TP53BP1: variants seen among roughly 807,000 people sequenced by gnomAD.
TP53BP1 encodes the protein TP53-binding protein 1.
In TP53BP1, 61 loss-of-function variants were observed where a neutral mutation model predicts 200.8. The ratio of observed to expected loss-of-function variants is 0.30; its 90% CI spans 0.25 to 0.38. The LOEUF (loss-of-function observed/expected upper bound fraction) is 0.38. Among genes scored for constraint, TP53BP1 ranks in the 10% least tolerant of loss-of-function variants. TP53BP1 has a pLI of 1.00. For synonymous variants in TP53BP1, 822 were observed against 844.3 expected (o/e 0.97, Z 0.46); for missense variants, 2,144 against 2,371.9 (o/e 0.90, Z 2.00).
At chr15:43,442,815 CTTTTTTTTTTTT>C (rs71111818) in intron 14 of TP53BP1, among the ~76,000 whole-genome samples, 37 of 61,042 alleles carry the variant, frequency 6.1e-4, no homozygotes, top group African/African-American at 2.6e-3. Context: ...CAGTAATATT[CTTTTTTTTTTTT>C]TTTTTTTTTT....
Position 43,480,004 on chromosome 15 carries a change from T to A in TP53BP1, c.513A>T (p.Ser171=). The change falls in exon 6 of 28, where the codon TCA becomes TCT. Residue 171 remains serine (S), a synonymous_variant. Transcript: ENST00000382044. ...GTTCCAGAACCCCAAAACCCAACTGTGATGAGGCAGTATCTAGGAACAAAA... is the reference window on the plus strand; with the variant it reads ...GTTCCAGAACCCCAAAACCCAACTGAGATGAGGCAGTATCTAGGAACAAAA... The part of the protein sequence containing the change: ...HSLGAEDTAS[S]QLGFGVLELS... 5 of 1,614,028 alleles carry A rather than the reference T, an allele frequency of 3.1e-6. No homozygotes were observed. The highest frequency in any genetic ancestry group is 4.2e-6 in the Non-Finnish European group (5 of 1,179,990).
At chr15:43,426,330 C>T (rs934482705) in intron 18 of TP53BP1, among the ~76,000 whole-genome samples, 10 of 148,982 alleles carry the variant, frequency 6.7e-5, no homozygotes, top group African/African-American at 2.5e-4. Context: ...ATCCCAGCTA[C>T]TCAGGAGGCT....
At chr15:43,499,353 C>T (rs142873131) in intron 1 of TP53BP1, among the ~76,000 whole-genome samples, 3 of 152,114 alleles carry the variant, frequency 2.0e-5, no homozygotes, top group Non-Finnish European at 4.4e-5. Context: ...GTACACCAAA[C>T]CCCGTGATAA....
chr15:43,509,188 C>CG (rs11433386), intron 1 of TP53BP1, among the ~76,000 whole-genome samples: 308 of 1,552 alleles, frequency 0.2, 51 homozygotes, highest in East Asian at 0.5. Flanking sequence ...GATCCACAAA[C>CG]GGGGGGGGGG....
chr15:43,407,872 C>A, intron 27 of TP53BP1, 71 bp downstream of exon 27: 1 of 1,462,278 alleles, frequency 6.8e-7, no homozygotes, highest in Non-Finnish European at 9.2e-7. Flanking sequence ...AGCCTTGGAC[C>A]ACAAGGCCTA....
At chr15:43,457,571 C>A (rs1410560667) in intron 11 of TP53BP1, among the ~76,000 whole-genome samples, 1 of 141,012 alleles carries the variant, frequency 7.1e-6, no homozygotes, top group African/African-American at 2.7e-5. Context: ...ACTTGGGAGG[C>A]TGAGGCAGGA....
chr15:43,510,397 T>G (rs2079266473), exon 1 of TP53BP1: 1 of 152,772 alleles, frequency 6.5e-6, no homozygotes, highest in Admixed American at 6.5e-5. Flanking sequence ...AAGGTCATTC[T>G]GTCCCCTCCA....
chr15:43,439,197 G>T (rs1267099068), intron 15 of TP53BP1, among the ~76,000 whole-genome samples: 1 of 152,066 alleles, frequency 6.6e-6, no homozygotes, highest in Non-Finnish European at 1.5e-5. Context: ...GAGAAATAAG[G>T]TGACAGCAAG....
chr15:43,491,865 T>C (rs1029659306), intron 3 of TP53BP1, 112 bp from the exon 4 acceptor site: 11 of 1,097,410 alleles, frequency 1.0e-5, no homozygotes, highest in African/African-American at 1.5e-5. Flanking sequence ...ACATCAACTT[T>C]TGAGTGACTA....
At chr15:43,482,377 T>C (rs953501156) in intron 4 of TP53BP1, among the ~76,000 whole-genome samples, 1 of 152,230 alleles carries the variant, frequency 6.6e-6, no homozygotes, top group African/African-American at 2.4e-5. Flanking sequence ...GGCTTATCCC[T>C]GTAATCCCAG....
chr15:43,471,814 T>C (rs774004530), intron 10 of TP53BP1, among the ~76,000 whole-genome samples: 18 of 152,244 alleles, frequency 1.2e-4, no homozygotes, highest in Non-Finnish European at 2.2e-4. Flanking sequence ...TTTTAAGAAT[T>C]AACCAAACTT....
chr15:43,407,850 C>T, intron 27 of TP53BP1, 93 bp downstream of exon 27: 1 of 1,292,930 alleles, frequency 7.7e-7, no homozygotes, highest in South Asian at 1.4e-5. Flanking sequence ...TACGGTCAAC[C>T]TATTAGGCCT....
At position 43,407,127 on chromosome 15, in the gene TP53BP1, T is replaced by C. The variant is rs2044926545; in HGVS notation, c.*256A>G. The C allele has an allele frequency of 7.2e-6, 3 of 416,616 alleles. No homozygotes were observed. The South Asian group carries it at 1.0e-4, about 14-fold the overall frequency. The allele number at this position is 416,616 out of a possible 1,614,324, so 25.8% of individuals were successfully genotyped here. A position where few individuals can be genotyped will look rare whatever the true frequency, so the allele number is the denominator to read the frequency against. On this transcript the variant is annotated 3_prime_UTR_variant, in exon 28 of 28. Coordinates refer to ENST00000382044, the MANE Select transcript of TP53BP1 (RefSeq NM_001141980.3). ...TGGCCAGCTGTCCTCCGTAAGTGAATAAGCCTGTTGAAAGACTCAGAGAAA... is the reference window on the plus strand; with the variant it reads ...TGGCCAGCTGTCCTCCGTAAGTGAACAAGCCTGTTGAAAGACTCAGAGAAA...
intron 15 of TP53BP1, among the ~76,000 whole-genome samples, chr15:43,440,440 G>A (rs1299269420): frequency 2.6e-5 from 4 of 151,780 alleles, no homozygotes; most frequent in Non-Finnish European, 5.9e-5. Flanking sequence ...GTGTGGACCC[G>A]GGAGGCGGAG....
intron 12 of TP53BP1, among the ~76,000 whole-genome samples, chr15:43,451,405 A>G (rs1232212194): frequency 5.0e-5 from 7 of 139,964 alleles, no homozygotes; most frequent in African/African-American, 1.9e-4. Context: ...TCATTGTTCT[A>G]TTCCCATCTA....
chr15:43,490,822 G>A (rs1319014661), intron 4 of TP53BP1, among the ~76,000 whole-genome samples: 3 of 152,176 alleles, frequency 2.0e-5, no homozygotes, highest in Non-Finnish European at 2.9e-5. Context: ...TACAATGGAA[G>A]TAATGTAATG....
At chr15:43,422,921 G>A (rs1418274456) in intron 18 of TP53BP1, among the ~76,000 whole-genome samples, 2 of 151,682 alleles carry the variant, frequency 1.3e-5, no homozygotes, top group South Asian at 2.1e-4. Flanking sequence ...CTTGAGCTTG[G>A]AAGTCAAGGC....
At chr15:43,459,571 T>C (rs1428204391) in intron 11 of TP53BP1, among the ~76,000 whole-genome samples, 1 of 151,968 alleles carries the variant, frequency 6.6e-6, no homozygotes, top group Non-Finnish European at 1.5e-5. Flanking sequence ...TGAATATGTA[T>C]AATACAAGCA....
chr15:43,409,080 T>G lies in TP53BP1; in HGVS notation c.5417A>C (p.Gln1806Pro). 1 of 1,614,174 alleles carries G rather than the reference T, an allele frequency of 6.2e-7. No homozygotes were observed. Among genetic ancestry groups the G allele is most frequent in the Non-Finnish European group, 8.5e-7 (1 of 1,180,030 alleles). Residue 1806 changes from glutamine (Q) to proline (P), a missense_variant, in exon 26 of 28, where the codon CAG becomes CCG. Around this residue, in one of 4 missense-constraint regions of TP53BP1, gnomAD observed 334 missense variants for 453.4 expected, o/e 0.74. Transcript: ENST00000382044. ...ATGCTGATCCGCAATTAGAAGACAC[T>G]GGTAAGCTGTGTTACACTGCAAGAA... ...FNEAQCNTAYQCLLIADQHCR... is the reference protein window; with the variant it reads ...FNEAQCNTAYPCLLIADQHCR...
Sources: allele counts gnomAD v4.1 joint callset (sites outside exome capture counted in the v4.1 genomes callset), GRCh38; gene constraint gnomAD v4.1.1; regional missense constraint gnomAD v4.1.1; transcripts MANE v1.5; gene names NCBI Gene and HGNC (gene_info 2026-07-23, HGNC 2026-07-21).